The following SCARA5 variants were observed in gnomAD, a reference collection of about 807,000 sequenced individuals.
The protein encoded by SCARA5 is scavenger receptor class A, member 5 (putative).
SCARA5 carries 45 observed loss-of-function variants against 46.3 expected under a neutral mutation model. The observed-to-expected ratio is 0.97, with a 90% CI of 0.76 to 1.24. SCARA5 has a LOEUF of 1.24. Ranked by LOEUF, SCARA5 falls within the 50% of genes most tolerant of loss-of-function variation. SCARA5 has a pLI of 0.00. For synonymous variants in SCARA5, 333 were observed against 306.5 expected (o/e 1.09, Z -0.90); for missense variants, 680 against 689.0 (o/e 0.99, Z 0.15).
intron 7 of SCARA5, among the ~76,000 whole-genome samples, chr8:27,892,127 G>C (rs1459225787): frequency 6.6e-6 from 1 of 152,222 alleles, no homozygotes; most frequent in African/African-American, 2.4e-5. Context: ...AATACGGAGA[G>C]AGCTGAGCAG....
chr8:27,881,926 C>T (rs966854874), intron 7 of SCARA5, among the ~76,000 whole-genome samples: 2 of 152,168 alleles, frequency 1.3e-5, no homozygotes, highest in Admixed American at 6.5e-5. Context: ...GCTGCACATG[C>T]GATGGGTTTG....
At chr8:27,948,317 T>G (rs1315032209) in intron 3 of SCARA5, among the ~76,000 whole-genome samples, 1 of 152,068 alleles carries the variant, frequency 6.6e-6, no homozygotes, top group Non-Finnish European at 1.5e-5. Context: ...GACTCAGCCT[T>G]GGCCACACCC....
At chr8:27,898,668 C>A (rs1012948161) in intron 7 of SCARA5, among the ~76,000 whole-genome samples, 1 of 152,170 alleles carries the variant, frequency 6.6e-6, no homozygotes, top group African/African-American at 2.4e-5. Flanking sequence ...CATAGTAAGC[C>A]CCTTCCAACC....
intron 3 of SCARA5, among the ~76,000 whole-genome samples, chr8:27,962,304 A>G (rs1363753932): frequency 6.6e-6 from 1 of 152,238 alleles, no homozygotes; most frequent in East Asian, 1.9e-4. Flanking sequence ...AAAGACTTTC[A>G]GATTCACAGT....
intron 3 of SCARA5, among the ~76,000 whole-genome samples, chr8:27,956,288 A>G (rs2726945): frequency 0.3 from 44,942 of 152,090 alleles, 6,768 homozygotes; most frequent in East Asian, 0.44. Context: ...ATACATCCCC[A>G]AACCCATAAT....
intron 8 of SCARA5, among the ~76,000 whole-genome samples, chr8:27,877,576 G>A (rs911945170): frequency 6.6e-6 from 1 of 151,694 alleles, no homozygotes; most frequent in Non-Finnish European, 1.5e-5. Flanking sequence ...TTCTCAAAAG[G>A]TTTTACTGCC....
chr8:27,922,693 T>C (rs1807618301), intron 3 of SCARA5, among the ~76,000 whole-genome samples: 1 of 152,210 alleles, frequency 6.6e-6, no homozygotes, highest in Admixed American at 6.5e-5. Context: ...TGTTGGGTGG[T>C]GTTATCCTCT....
At chr8:27,959,358 A>G (rs1462354464) in intron 3 of SCARA5, among the ~76,000 whole-genome samples, 1 of 152,114 alleles carries the variant, frequency 6.6e-6, no homozygotes, top group Admixed American at 6.5e-5. Flanking sequence ...TCTGTTGACT[A>G]CTCACACCTG....
chr8:27,889,944 T>G (rs1806956215), intron 7 of SCARA5, among the ~76,000 whole-genome samples: 1 of 152,226 alleles, frequency 6.6e-6, no homozygotes, highest in African/African-American at 2.4e-5. Flanking sequence ...CTGTATTAAT[T>G]CTTTATGTAT....
intron 8 of SCARA5, among the ~76,000 whole-genome samples, chr8:27,874,957 G>A (rs1009858385): frequency 1.3e-5 from 2 of 152,038 alleles, no homozygotes; most frequent in Non-Finnish European, 2.9e-5. Context: ...CATCTTCAAG[G>A]CCCTCCCATT....
At chr8:27,896,724 A>G (rs150686330) in intron 7 of SCARA5, among the ~76,000 whole-genome samples, 19 of 152,280 alleles carry the variant, frequency 1.2e-4, no homozygotes, top group African/African-American at 3.6e-4. Context: ...CATGGCCCCA[A>G]GACCTCCCAG....
intron 7 of SCARA5, among the ~76,000 whole-genome samples, chr8:27,889,927 G>A (rs1806955850): frequency 6.6e-6 from 1 of 152,180 alleles, no homozygotes; most frequent in South Asian, 2.1e-4. Flanking sequence ...CACTAAAAAT[G>A]CATTATCTGT....
intron 3 of SCARA5, among the ~76,000 whole-genome samples, chr8:27,942,758 A>G (rs1012610031): frequency 2.6e-5 from 4 of 151,364 alleles, no homozygotes; most frequent in African/African-American, 9.7e-5. Flanking sequence ...GGAGGGCTGG[A>G]AAAAAAAATG....
intron 3 of SCARA5, among the ~76,000 whole-genome samples, chr8:27,924,518 G>A (rs903900747): frequency 3.3e-5 from 5 of 152,104 alleles, no homozygotes; most frequent in Admixed American, 2.0e-4. Flanking sequence ...GCCTTGCCTC[G>A]ACTTCTCCCC....
At chr8:27,928,919 T>A (rs980518976) in intron 3 of SCARA5, among the ~76,000 whole-genome samples, 1 of 152,288 alleles carries the variant, frequency 6.6e-6, no homozygotes, top group Non-Finnish European at 1.5e-5. Context: ...CCCAAAGTGC[T>A]GGGATTACAG....
intron 2 of SCARA5, 86 bp downstream of exon 2, chr8:27,987,418 G>A: frequency 1.2e-6 from 1 of 854,392 alleles, no homozygotes; most frequent in Non-Finnish European, 2.0e-6. Flanking sequence ...GCACTTAAAG[G>A]CAATGCCAAG....
At chr8:27,908,974 T>C (rs1807320191) in intron 5 of SCARA5, 1 of 152,218 alleles carries the variant, frequency 6.6e-6, no homozygotes, top group Admixed American at 6.5e-5. Context: ...CTATTTCCTT[T>C]TCTTCCATCA....
chr8:27,911,463 G>A (rs1339842399), intron 4 of SCARA5, among the ~76,000 whole-genome samples: 1 of 152,198 alleles, frequency 6.6e-6, no homozygotes, highest in Non-Finnish European at 1.5e-5. Flanking sequence ...AGGCCGAGGA[G>A]GGTGGATCAC....
intron 3 of SCARA5, among the ~76,000 whole-genome samples, chr8:27,942,060 C>T (rs1445758544): frequency 6.6e-6 from 1 of 151,824 alleles, no homozygotes; most frequent in African/African-American, 2.4e-5. Context: ...AACTCCTGAC[C>T]CCAGGTGATC....
Sources: allele counts gnomAD v4.1 joint callset (sites outside exome capture counted in the v4.1 genomes callset), GRCh38; gene constraint gnomAD v4.1.1; transcripts MANE v1.5; gene names NCBI Gene and HGNC (gene_info 2026-07-23, HGNC 2026-07-21).